ERCC6: variants seen among roughly 807,000 people sequenced by gnomAD.
ERCC6 encodes the protein ERCC excision repair 6, chromatin remodeling factor.
In ERCC6, 116 loss-of-function variants were observed where a neutral mutation model predicts 158.7. The observed-to-expected ratio is 0.73, with a 90% CI of 0.63 to 0.85. The LOEUF (loss-of-function observed/expected upper bound fraction) is 0.85, where lower values mean the gene tolerates loss of function less well. ERCC6 is among the 40% of genes least tolerant of loss of function. The probability of loss-of-function intolerance (pLI) is 0.00; values close to 1 mark genes in which losing one functional copy is unlikely to be tolerated. For missense variants in ERCC6, 1,698 were observed against 1,799.4 expected (o/e 0.94, Z 1.02); for synonymous variants, 678 against 659.3 (o/e 1.03, Z -0.43).
chr10:49,527,000 G>A (rs1047099363), intron 4 of ERCC6, among the ~76,000 whole-genome samples: 3 of 152,166 alleles, frequency 2.0e-5, no homozygotes, highest in African/African-American at 7.2e-5. Flanking sequence ...TTAAGATATG[G>A]CCAGAAATAA....
intron 3 of ERCC6, among the ~76,000 whole-genome samples, chr10:49,529,810 T>C (rs914669804): frequency 2.6e-5 from 4 of 152,108 alleles, no homozygotes; most frequent in Non-Finnish European, 5.9e-5. Flanking sequence ...TCTATTGCAA[T>C]GTATTTTCAC....
At chr10:49,514,522 G>C (rs1836892662) in intron 5 of ERCC6, among the ~76,000 whole-genome samples, 1 of 152,146 alleles carries the variant, frequency 6.6e-6, no homozygotes, top group African/African-American at 2.4e-5. Flanking sequence ...ATTCAAAACA[G>C]ACCTTACTGC....
At position 49,515,976 on chromosome 10, in the gene ERCC6, A is replaced by G. The variant is rs756159216; in HGVS notation, c.1397+8057T>C. 61 of 1,614,030 alleles carry G rather than the reference A, an allele frequency of 3.8e-5. No homozygotes were observed. Among genetic ancestry groups the G allele is most frequent in the African/African-American group, 8.0e-5 (6 of 74,902 alleles). On this transcript the variant is annotated intron_variant, in intron 5 of 20. Coordinates refer to ENST00000355832, the MANE Select transcript of ERCC6 (RefSeq NM_000124.4). ...ATCTGATTCCAGTGGAACTCTGTCA[A>G]TGTGATCCTTTCTCACTGTACCTGT...
At chr10:49,511,836 G>A (rs573655290) in intron 5 of ERCC6, among the ~76,000 whole-genome samples, 62 of 152,202 alleles carry the variant, frequency 4.1e-4, no homozygotes, top group South Asian at 2.9e-3. Context: ...AGTGAAAACC[G>A]AATGTAGGCA....
intron 12 of ERCC6, among the ~76,000 whole-genome samples, chr10:49,475,695 C>G (rs1038243596): frequency 6.6e-6 from 1 of 152,154 alleles, no homozygotes; most frequent in Non-Finnish European, 1.5e-5. Context: ...AAATAAATTA[C>G]TGTCCTACCC....
At chr10:49,515,181 A>T in intron 5 of ERCC6, 1 of 1,308,876 alleles carries the variant, frequency 7.6e-7, no homozygotes, top group South Asian at 2.5e-5. Context: ...TACCTAGAAA[A>T]ATTCAAGGAA....
chr10:49,497,046 C>T (rs1015548111), intron 7 of ERCC6, among the ~76,000 whole-genome samples: 12 of 152,234 alleles, frequency 7.9e-5, no homozygotes, highest in Non-Finnish European at 4.4e-5. Context: ...GCTACAGTCA[C>T]TGTCCCTGCC....
intron 10 of ERCC6, among the ~76,000 whole-genome samples, chr10:49,479,127 C>A (rs1264256254): frequency 2.0e-5 from 3 of 151,010 alleles, no homozygotes; most frequent in African/African-American, 7.3e-5. Flanking sequence ...AAAAGCCCCA[C>A]AGCCCAGAAA....
At chr10:49,500,289 G>GT (rs1182624659) in intron 7 of ERCC6, among the ~76,000 whole-genome samples, 3 of 152,066 alleles carry the variant, frequency 2.0e-5, no homozygotes, top group African/African-American at 7.2e-5. Context: ...AAAATATCTA[G>GT]TGGGGCTCAT....
At position 49,483,408 on chromosome 10, in the gene ERCC6, T is replaced by C. The variant is rs1293835740; in HGVS notation, c.1930A>G (p.Ile644Val). 6.2e-7 allele frequency: 1 copy of C among 1,614,178 alleles called. No individual in the cohort carries two copies. The highest frequency in any genetic ancestry group is 1.7e-4 in the Middle Eastern group (1 of 6,060). The change falls in exon 9 of 21, where the codon ATC (isoleucine) becomes GTC (valine). Residue 644 changes from isoleucine to valine, a missense_variant. Coordinates refer to ENST00000355832, the MANE Select transcript of ERCC6 (RefSeq NM_000124.4). ...CGAATTTTGTGTCCTTCGTCCAAGA[T>C]CACATAGTGCCAGTCATACCTGCTA... ...DISRYDWHYV[I>V]LDEGHKIRNP...
intron 3 of ERCC6, 36 bp from the exon 4 acceptor site, chr10:49,528,561 T>C (rs764600039): frequency 6.2e-7 from 1 of 1,610,246 alleles, no homozygotes. Context: ...AAAACAGCAA[T>C]GAAGTGATTT....
chr10:49,483,440 T>A lies in ERCC6; in HGVS notation c.1898A>T (p.Asp633Val). Residue 633 changes from aspartate (D) to valine (V), a missense_variant, in exon 9 of 21, where the codon GAT (aspartate) becomes GTT (valine). By Grantham distance (152) the Asp-to-Val change is radical. Transcript: ENST00000355832. ...TSYSYIRLMQ[D>V]DISRYDWHYV... The stretch of plus-strand genomic sequence containing the variant: ...GTGCCAGTCATACCTGCTAATGTCA[T>A]CCTGCATCAATCGAATGTAGGAGTA... 1 of 1,614,156 alleles carries A rather than the reference T, an allele frequency of 6.2e-7. No homozygotes were observed. The highest frequency in any genetic ancestry group is 8.5e-7 in the Non-Finnish European group (1 of 1,180,000).
intron 13 of ERCC6, 152 bp downstream of exon 13, chr10:49,473,875 G>T: frequency 1.3e-6 from 1 of 782,546 alleles, no homozygotes; most frequent in Non-Finnish European, 2.1e-6. Context: ...TCTAGAGAAA[G>T]ATCTAAACTC....
intron 5 of ERCC6, among the ~76,000 whole-genome samples, chr10:49,520,801 G>A (rs1837136829): frequency 6.6e-6 from 1 of 152,158 alleles, no homozygotes; most frequent in African/African-American, 2.4e-5. Flanking sequence ...TCTGCACATT[G>A]TGGCATCACA....
rs1172841374 is a variant in ERCC6 at position 49,457,298 on chromosome 10, T to G, written c.*1517A>C. 6.6e-6 allele frequency: 1 copy of G among 152,136 alleles called. No individual in the cohort carries two copies. Among genetic ancestry groups the G allele is most frequent in the Non-Finnish European group, 1.5e-5 (1 of 68,026 alleles). 9.4% of individuals were successfully genotyped at this position (152,136 alleles called of 1,614,324 possible). ...CAAAGTGACAAAAATAATGTAATCA[T>G]CTTCTTCCCTCATTATATATAAACC... On this transcript the variant is annotated 3_prime_UTR_variant, in exon 21 of 21. Transcript: ENST00000355832.
intron 1 of ERCC6, among the ~76,000 whole-genome samples, chr10:49,537,274 G>A (rs1468878967): frequency 1.3e-5 from 2 of 151,244 alleles, no homozygotes; most frequent in African/African-American, 4.9e-5. Flanking sequence ...AACCCAGGAG[G>A]CGGAGGCCGC....
At chr10:49,522,968 T>C (rs1258795861) in intron 5 of ERCC6, among the ~76,000 whole-genome samples, 4 of 152,218 alleles carry the variant, frequency 2.6e-5, no homozygotes, top group African/African-American at 4.8e-5. Flanking sequence ...TTTAAAAGAA[T>C]TGACACATCT....
chr10:49,477,722 A>G (rs1291444428), intron 11 of ERCC6, among the ~76,000 whole-genome samples: 2 of 152,036 alleles, frequency 1.3e-5, no homozygotes, highest in African/African-American at 4.8e-5. Context: ...CCTGCTGTCT[A>G]TGAAGGCCCC....
At chr10:49,451,801 A>G (rs1850422718), downstream of ERCC6, among the ~76,000 whole-genome samples, 1 of 152,168 alleles carries the variant, frequency 6.6e-6, no homozygotes, top group South Asian at 2.1e-4. Flanking sequence ...AAAGAGTTTG[A>G]GAATAATTGC....
Sources: allele counts gnomAD v4.1 joint callset (sites outside exome capture counted in the v4.1 genomes callset), GRCh38; gene constraint gnomAD v4.1.1; transcripts MANE v1.5; gene names NCBI Gene and HGNC (gene_info 2026-07-23, HGNC 2026-07-21).